Variants in FHL2 observed in about 807,000 individuals in gnomAD.
FHL2 encodes the protein four and a half LIM domains protein 2.
A neutral mutation model predicts 32.7 loss-of-function variants in FHL2; 20 were observed. The observed-to-expected ratio is 0.61, with a 90% CI of 0.43 to 0.89. The LOEUF (loss-of-function observed/expected upper bound fraction) is 0.89. FHL2 is among the 40% of genes least tolerant of loss of function. The pLI, the probability that FHL2 is intolerant of heterozygous loss-of-function variation, is 0.00. For synonymous variants in FHL2, 123 were observed against 128.1 expected, an observed-to-expected ratio of 0.96 and a Z score of 0.27; for missense variants, 311 against 358.6, an observed-to-expected ratio of 0.87 and a Z score of 1.07.
At chr2:105,425,058 C>G (rs1323956118) in intron 1 of FHL2, among the ~76,000 whole-genome samples, 1 of 152,130 alleles carries the variant, frequency 6.6e-6, no homozygotes, top group East Asian at 1.9e-4. Context: ...CAGACTGTCA[C>G]TGTGTCTATG....
intron 2 of FHL2, among the ~76,000 whole-genome samples, chr2:105,391,416 C>G (rs548619737): frequency 6.6e-6 from 1 of 152,164 alleles, no homozygotes; most frequent in South Asian, 2.1e-4. Context: ...GCTATCTGTG[C>G]TAGGAACAGG....
At chr2:105,436,180 C>T (rs1684604424) in intron 1 of FHL2, among the ~76,000 whole-genome samples, 1 of 151,990 alleles carries the variant, frequency 6.6e-6, no homozygotes, top group African/African-American at 2.4e-5. Flanking sequence ...TGAGGAGGTG[C>T]TGACAAATCA....
In FHL2 at chr2:105,378,501, C is replaced by T. The variant is rs1573320806; in HGVS notation, c.157-4768G>A. ...CCTTCAGGCTGGTGTAGAGTGGACA[C>T]CTGAAAGTGCTCCCCATCCCATTCG... On this transcript the variant is annotated intron_variant, in intron 3 of 6. Transcript: ENST00000530340. The T allele has an allele frequency of 2.0e-5, 4 of 199,572 alleles. No homozygotes were observed. In the East Asian group the frequency reaches 4.4e-4, roughly 22 times the overall value. The allele number at this position is 199,572 out of a possible 1,614,324, so 12.4% of individuals were successfully genotyped here. A position where few individuals can be genotyped will look rare whatever the true frequency, so the allele number is the denominator to read the frequency against.
upstream of FHL2, among the ~76,000 whole-genome samples, chr2:105,400,807 T>C (rs917267699): frequency 6.6e-6 from 1 of 151,976 alleles, no homozygotes; most frequent in African/African-American, 2.4e-5. Flanking sequence ...CTGTGTCACA[T>C]AGGTTCAGCT....
intron 1 of FHL2, among the ~76,000 whole-genome samples, chr2:105,420,307 G>A (rs947920383): frequency 3.3e-5 from 5 of 152,050 alleles, no homozygotes; most frequent in African/African-American, 9.7e-5. Flanking sequence ...CTGTCTTCAC[G>A]TGGACATAGT....
chr2:105,363,850 C>G (rs1473350088), intron 5 of FHL2, among the ~76,000 whole-genome samples: 1 of 152,202 alleles, frequency 6.6e-6, no homozygotes, highest in Admixed American at 6.5e-5. Context: ...TAACCCTACT[C>G]CTTACCAGCC....
intron 1 of FHL2, among the ~76,000 whole-genome samples, chr2:105,423,635 G>T (rs1156240138): frequency 1.3e-5 from 2 of 152,088 alleles, no homozygotes; most frequent in Non-Finnish European, 2.9e-5. Flanking sequence ...ATATTACAAG[G>T]CTACAGTAAC....
At chr2:105,363,263 A>G (rs1336911337) in intron 6 of FHL2, 22 bp downstream of exon 6, 2 of 1,612,152 alleles carry the variant, frequency 1.2e-6, no homozygotes. Flanking sequence ...GCCCCTGGAA[A>G]TGGGAACCCC....
intron 1 of FHL2, among the ~76,000 whole-genome samples, chr2:105,421,685 G>C (rs1242479706): frequency 6.6e-6 from 1 of 152,146 alleles, no homozygotes; most frequent in Non-Finnish European, 1.5e-5. Context: ...AAGGCTGCTT[G>C]ATTGAGAAAG....
At chr2:105,412,041 C>T (rs1318761983) in intron 1 of FHL2, among the ~76,000 whole-genome samples, 6 of 152,018 alleles carry the variant, frequency 3.9e-5, no homozygotes, top group Admixed American at 6.6e-5. Flanking sequence ...CAATAAGTTC[C>T]GGTCAAGGTT....
intron 1 of FHL2, among the ~76,000 whole-genome samples, chr2:105,417,827 C>G (rs13384810): frequency 6.6e-6 from 1 of 151,908 alleles, no homozygotes; most frequent in Non-Finnish European, 1.5e-5. Context: ...TCTTTTTCCC[C>G]CTACTGCTTG....
intron 3 of FHL2, among the ~76,000 whole-genome samples, chr2:105,385,196 G>A (rs982903368): frequency 1.3e-5 from 2 of 152,150 alleles, no homozygotes; most frequent in Admixed American, 1.3e-4. Flanking sequence ...TACCTCTTTC[G>A]TCTCTGCTCA....
chr2:105,423,120 T>A (rs887333894), intron 1 of FHL2, among the ~76,000 whole-genome samples: 5 of 152,188 alleles, frequency 3.3e-5, no homozygotes, highest in Admixed American at 6.5e-5. Context: ...CTCTCTGATG[T>A]TTGCCCCCAG....
Position 105,436,657 on chromosome 2 carries a change from T to TA in FHL2, c.-25+1741dup, listed in dbSNP as rs969258126. ...AAAATATCTCATAGTGGTATTTTTT[T>TA]AAAAAAAACGAATATTAAGTTAATG... On this transcript the variant is annotated intron_variant, in intron 1 of 5. Coordinates refer to the FHL2 transcript ENST00000393352. Among the ~76,000 whole-genome samples the TA allele has an allele frequency of 4.7e-3, 710 of 151,938 alleles. 11 individuals are homozygous for TA. The highest frequency in any genetic ancestry group is 0.016 in the African/African-American group (650 of 41,458).
upstream of FHL2, among the ~76,000 whole-genome samples, chr2:105,400,548 A>G (rs1235815360): frequency 6.6e-6 from 1 of 152,204 alleles, no homozygotes; most frequent in African/African-American, 2.4e-5. Context: ...TGTTGTTGAT[A>G]TCGTTACAAA....
intron 1 of FHL2, among the ~76,000 whole-genome samples, chr2:105,430,646 C>G (rs1057511614): frequency 6.6e-6 from 1 of 152,158 alleles, no homozygotes; most frequent in Admixed American, 6.5e-5. Context: ...CCAGCCTGGG[C>G]AACAAGAGCG....
chr2:105,395,312 G>T (rs1432877016), intron 2 of FHL2, among the ~76,000 whole-genome samples: 1 of 152,242 alleles, frequency 6.6e-6, no homozygotes, highest in Non-Finnish European at 1.5e-5. Context: ...ACTCCATCCT[G>T]CATGCTATGG....
At position 105,386,400 on chromosome 2, in the gene FHL2, G is replaced by C. The variant is rs1573342194; in HGVS notation, c.117C>G (p.Thr39=). The change falls in exon 3 of 7, where the codon ACC becomes ACG. Residue 39 remains threonine (T), a synonymous_variant. Transcript: ENST00000530340. ...CGATGGGCTTCCCACACTCCTCGCA[G>C]GTGTTGGCGAACAGGGTCTCAAAGC... The part of the protein sequence containing the change: ...VVCFETLFAN[T]CEECGKPIGC... 6.2e-7 allele frequency: 1 copy of C among 1,614,194 alleles called. No individual in the cohort carries two copies. Among genetic ancestry groups the C allele is most frequent in the East Asian group, 2.2e-5 (1 of 44,866 alleles).
At chr2:105,396,180 T>C (rs1194394504) in intron 2 of FHL2, among the ~76,000 whole-genome samples, 1 of 152,154 alleles carries the variant, frequency 6.6e-6, no homozygotes, top group African/African-American at 2.4e-5. Context: ...TTTATCGCAA[T>C]GATTTAGCTC....
Sources: allele counts gnomAD v4.1 joint callset (sites outside exome capture counted in the v4.1 genomes callset), GRCh38; gene constraint gnomAD v4.1.1; transcripts MANE v1.5; gene names NCBI Gene and HGNC (gene_info 2026-07-23, HGNC 2026-07-21).